Variants in AP2A2 observed in about 807,000 individuals in gnomAD.
AP2A2 encodes the protein AP-2 complex subunit alpha-2.
In AP2A2, 32 loss-of-function variants were observed where a neutral mutation model predicts 104.2. The observed-to-expected ratio is 0.31, with a 90% CI of 0.23 to 0.41. The LOEUF (loss-of-function observed/expected upper bound fraction) is 0.41. Ranked by LOEUF, AP2A2 falls within the 10% of genes least tolerant of loss-of-function variation. The probability of loss-of-function intolerance (pLI) is 1.00; values close to 1 mark genes in which losing one functional copy is unlikely to be tolerated. For missense variants in AP2A2, 912 were observed against 1,261.0 expected (o/e 0.72, Z 4.19); for synonymous variants, 539 against 533.3 (o/e 1.01, Z -0.15).
chr11:1,002,857 G>A (rs1856071875), intron 15 of AP2A2, among the ~76,000 whole-genome samples: 1 of 152,360 alleles, frequency 6.6e-6, no homozygotes, highest in South Asian at 2.1e-4. Context: ...CTGCCGTGCA[G>A]CATTTGCTTC....
intron 8 of AP2A2, 57 bp from the exon 9 acceptor site, chr11:986,728 C>A: frequency 6.3e-7 from 1 of 1,583,830 alleles, no homozygotes; most frequent in Admixed American, 1.7e-5. Flanking sequence ...CAGACTCTGT[C>A]CAGTTTGTGT....
chr11:981,152 G>A (rs1268455042), intron 5 of AP2A2, 46 bp from the exon 6 acceptor site: 6 of 1,503,630 alleles, frequency 4.0e-6, no homozygotes, highest in Non-Finnish European at 5.5e-6. Flanking sequence ...GAACACAAGT[G>A]GTTAGCTTCA....
chr11:938,555 A>C (rs1853541516), intron 1 of AP2A2, among the ~76,000 whole-genome samples: 2 of 151,606 alleles, frequency 1.3e-5, no homozygotes, highest in African/African-American at 4.9e-5. Context: ...GCTCACTGCA[A>C]GCTCTGCCTC....
At chr11:972,628 T>C (rs7483222) in intron 4 of AP2A2, among the ~76,000 whole-genome samples, 1 of 152,164 alleles carries the variant, frequency 6.6e-6, no homozygotes, top group African/African-American at 2.4e-5. Flanking sequence ...GCCCAGGAAG[T>C]CAAGGCTGCA....
chr11:942,033 T>C (rs1413540241), intron 1 of AP2A2, among the ~76,000 whole-genome samples: 1 of 151,674 alleles, frequency 6.6e-6, no homozygotes, highest in African/African-American at 2.4e-5. Flanking sequence ...TTCACTCCAT[T>C]CTCCTGCCTC....
At chr11:958,626 T>G (rs1435446170) in intron 1 of AP2A2, among the ~76,000 whole-genome samples, 8 of 152,170 alleles carry the variant, frequency 5.3e-5, no homozygotes, top group African/African-American at 1.9e-4. Context: ...GAAGCTAGCC[T>G]TTGGGGCTGT....
At chr11:927,266 T>A (rs1209525147) in intron 1 of AP2A2, among the ~76,000 whole-genome samples, 1 of 152,012 alleles carries the variant, frequency 6.6e-6, no homozygotes. Flanking sequence ...GGTCTCGCCA[T>A]GTTGCCTAGG....
rs748220772 is a variant in AP2A2 at position 1,009,762 on chromosome 11, C to T, written c.2687C>T (p.Thr896Met). 1.0e-5 allele frequency: 16 copies of T among 1,551,998 alleles called. No individual in the cohort carries two copies. Among genetic ancestry groups the T allele is most frequent in the South Asian group, 8.3e-5 (7 of 84,108 alleles). The change falls in exon 21 of 22, where the codon ACG becomes ATG. Residue 896 changes from threonine (T) to methionine (M), a missense_variant. Thr to Met is a moderately conservative substitution (Grantham distance 81). Transcript: ENST00000448903. Reference sequence around the variant, plus strand: ...TTCGTGGGAGCTGGAATCATCCACACGAAAACCACCCAGATTGGATGCCTG... The same window carrying T: ...TTCGTGGGAGCTGGAATCATCCACATGAAAACCACCCAGATTGGATGCCTG... The part of the protein sequence containing the change: ...ANFVGAGIIH[T>M]KTTQIGCLLR...
At chr11:1,010,422 G>A (rs780800692) in intron 21 of AP2A2, 126 bp from the exon 22 acceptor site, 9 of 705,420 alleles carry the variant, frequency 1.3e-5, no homozygotes, top group Non-Finnish European at 1.9e-5. Flanking sequence ...GGCCTCTGCC[G>A]AGTTGTGGGT....
At chr11:983,017 CTTTT>C (rs56742889) in intron 6 of AP2A2, among the ~76,000 whole-genome samples, 4 of 82,368 alleles carry the variant, frequency 4.9e-5, no homozygotes, top group East Asian at 3.1e-4. Flanking sequence ...TTTTCTTTTT[CTTTT>C]TTTTTTTTTT....
chr11:997,707 C>T (rs1194470013), intron 14 of AP2A2, among the ~76,000 whole-genome samples: 1 of 152,106 alleles, frequency 6.6e-6, no homozygotes. Flanking sequence ...GAGTTTGAGA[C>T]CAGCCTGGCC....
At chr11:996,418 G>A (rs1855859926) in intron 14 of AP2A2, among the ~76,000 whole-genome samples, 1 of 152,244 alleles carries the variant, frequency 6.6e-6, no homozygotes. Flanking sequence ...CGCTGAGGGA[G>A]CATGGAAAGG....
intron 1 of AP2A2, chr11:932,792 C>G: frequency 2.2e-6 from 1 of 455,806 alleles, no homozygotes; most frequent in South Asian, 1.6e-5. Flanking sequence ...GGATCACTTT[C>G]TTTTATGACA....
chr11:949,498 C>T (rs569284226), intron 1 of AP2A2, among the ~76,000 whole-genome samples: 41 of 152,168 alleles, frequency 2.7e-4, no homozygotes, highest in African/African-American at 8.4e-4. Context: ...TTATACAGGC[C>T]GGGAGTGGTG....
At chr11:947,898 A>C (rs895258751) in intron 1 of AP2A2, among the ~76,000 whole-genome samples, 7 of 152,182 alleles carry the variant, frequency 4.6e-5, no homozygotes, top group Non-Finnish European at 7.4e-5. Context: ...TTGAGGTGCA[A>C]TGAACTATGA....
rs747946088 is a variant in AP2A2 at position 993,993 on chromosome 11, G to GC, written c.1782+13dup. Reference sequence around the variant, plus strand: ...GCCAGCACCGACATTCTGGTAGGAGGCCCCCGCCCTTCGGGCTGGCTTGGC... The same window carrying GC: ...GCCAGCACCGACATTCTGGTAGGAGGCCCCCCGCCCTTCGGGCTGGCTTGGC... On this transcript the variant is annotated intron_variant, in intron 13 of 21. Transcript: ENST00000448903. This position sits in a 1 kb window ranked among gnomAD's most constrained non-coding sequence, Gnocchi z 8.2. 1.2e-6 allele frequency: 2 copies of GC among 1,609,542 alleles called. No homozygotes were observed. The highest frequency in any genetic ancestry group is 1.1e-5 in the South Asian group (1 of 90,968).
chr11:1,010,043 T>C, intron 21 of AP2A2: 1 of 553,594 alleles, frequency 1.8e-6, no homozygotes, highest in South Asian at 2.5e-5. Context: ...GTTGTGTGCC[T>C]GTTTAACCAC....
rs187946137 is a variant in AP2A2, at chr11:1,008,744, G to A, written c.2421-356G>A. On this transcript the variant is annotated intron_variant, in intron 18 of 21. Coordinates refer to ENST00000448903, the MANE Select transcript of AP2A2 (RefSeq NM_012305.4). Reference sequence around the variant, plus strand: ...CTTAAGATTGTATACTGTAGAATTCGGGGACATAGACATGCAAGTTTTTGT... The same window carrying A: ...CTTAAGATTGTATACTGTAGAATTCAGGGACATAGACATGCAAGTTTTTGT... The A allele has an allele frequency of 1.2e-3, 407 of 332,244 alleles. 1 individual carries two copies. The highest frequency in any genetic ancestry group is 6.0e-3 in the South Asian group (104 of 17,394). 20.6% of individuals were successfully genotyped at this position (332,244 alleles called of 1,614,324 possible). A position where few individuals can be genotyped will look rare whatever the true frequency, so the allele number is the denominator to read the frequency against.
At chr11:990,550 C>G (rs1177414307) in intron 10 of AP2A2, among the ~76,000 whole-genome samples, 1 of 152,182 alleles carries the variant, frequency 6.6e-6, no homozygotes, top group African/African-American at 2.4e-5. Flanking sequence ...CTGCTCTCGC[C>G]CCTCTGCGTG....
Sources: allele counts gnomAD v4.1 joint callset (sites outside exome capture counted in the v4.1 genomes callset), GRCh38; gene constraint gnomAD v4.1.1; non-coding constraint Gnocchi (gnomAD v3.1); transcripts MANE v1.5; gene names NCBI Gene and HGNC (gene_info 2026-07-23, HGNC 2026-07-21).